Variants in PRKCA observed in about 807,000 individuals in gnomAD.
PRKCA encodes protein kinase C alpha type.
A neutral mutation model predicts 87.0 loss-of-function variants in PRKCA; 27 were observed. The ratio of observed to expected loss-of-function variants is 0.31; its 90% CI spans 0.23 to 0.43. The LOEUF (loss-of-function observed/expected upper bound fraction) is 0.43. Ranked by LOEUF, PRKCA falls within the 20% of genes least tolerant of loss-of-function variation. The probability of loss-of-function intolerance (pLI) is 1.00; values close to 1 mark genes in which losing one functional copy is unlikely to be tolerated. For synonymous variants in PRKCA, 329 were observed against 311.1 expected (o/e 1.06, Z -0.61); for missense variants, 518 against 852.3 (o/e 0.61, Z 4.88).
intron 2 of PRKCA, among the ~76,000 whole-genome samples, chr17:66,405,002 G>T (rs893350736): frequency 9.9e-5 from 15 of 151,882 alleles, no homozygotes; most frequent in African/African-American, 3.4e-4. Flanking sequence ...CACTCACCTC[G>T]GCCTCCCAAA....
intron 2 of PRKCA, among the ~76,000 whole-genome samples, chr17:66,363,265 TATTTA>T (rs1461307807): frequency 6.6e-6 from 1 of 152,242 alleles, no homozygotes; most frequent in Non-Finnish European, 1.5e-5. Context: ...TTTGTTATTT[TATTTA>T]GTCAACCCTT....
rs562583921 is a variant in PRKCA, at chr17:66,429,783, A to G, written c.206-66418A>G. 5.3e-5 allele frequency among the ~76,000 whole-genome samples: 8 copies of G among 152,314 alleles called. No homozygotes were observed. In the South Asian group the frequency reaches 1.4e-3, roughly 28 times the overall value. On this transcript the variant is annotated intron_variant, in intron 2 of 16. Transcript: ENST00000413366. ...AGAGTCCATCTTCATGAGAGTATAC[A>G]TTGGGTAAGAGAATTAATGTGACGG...
At chr17:66,538,168 C>T (rs556842826) in intron 3 of PRKCA, among the ~76,000 whole-genome samples, 1 of 152,266 alleles carries the variant, frequency 6.6e-6, no homozygotes, top group East Asian at 1.9e-4. Flanking sequence ...CAGAGCTGAT[C>T]CCTTCTGGAG....
chr17:66,528,743 G>A (rs1967436654), intron 3 of PRKCA, among the ~76,000 whole-genome samples: 1 of 152,164 alleles, frequency 6.6e-6, no homozygotes, highest in Non-Finnish European at 1.5e-5. Context: ...TGTTACAGCA[G>A]CAATGAAAAA....
intron 2 of PRKCA, among the ~76,000 whole-genome samples, chr17:66,321,541 G>A (rs1301414658): frequency 6.6e-6 from 1 of 151,988 alleles, no homozygotes; most frequent in Non-Finnish European, 1.5e-5. Context: ...AAATAATTTA[G>A]CTCACTTTTT....
intron 2 of PRKCA, among the ~76,000 whole-genome samples, chr17:66,333,702 C>T (rs529088087): frequency 2.0e-5 from 3 of 152,026 alleles, no homozygotes; most frequent in Non-Finnish European, 4.4e-5. Context: ...TTGTCAGCCT[C>T]CCCCAGGAAC....
At position 66,400,788 on chromosome 17, in the gene PRKCA, A is replaced by G. The variant is rs576391673; in HGVS notation, c.205+94661A>G. ...CTGCATCATTGCCAACACCTTTTAGAAACAGTAGCCATCCTAATGGGCATG... is the reference window on the plus strand; with the variant it reads ...CTGCATCATTGCCAACACCTTTTAGGAACAGTAGCCATCCTAATGGGCATG... On this transcript the variant is annotated intron_variant, in intron 2 of 16. Coordinates refer to ENST00000413366, the MANE Select transcript of PRKCA (RefSeq NM_002737.3). 3.9e-5 allele frequency among the ~76,000 whole-genome samples: 6 copies of G among 152,346 alleles called. No individual in the cohort carries two copies. In the East Asian group the frequency reaches 1.2e-3, roughly 29 times the overall value.
chr17:66,804,282 A>G lies in PRKCA; in HGVS notation c.*245A>G, dbSNP rs927010718. The G allele has an allele frequency of 1.8e-5, 8 of 440,648 alleles. No individual in the cohort carries two copies. Among genetic ancestry groups the G allele is most frequent in the Non-Finnish European group, 3.1e-5 (8 of 261,642 alleles). 27.3% of individuals were successfully genotyped at this position (440,648 alleles called of 1,614,324 possible). A position where few individuals can be genotyped will look rare whatever the true frequency, so the allele number is the denominator to read the frequency against. On this transcript the variant is annotated 3_prime_UTR_variant, in exon 17 of 17. Transcript: ENST00000413366. ...TGTCCAGTTTAATTCTGTAGAAGTT[A>G]CGTCTGGCTCTAGGTTAACCCTTCC...
At chr17:66,398,105 A>G (rs1232766705) in intron 2 of PRKCA, 2 of 152,154 alleles carry the variant, frequency 1.3e-5, no homozygotes, top group Non-Finnish European at 2.9e-5. Context: ...TAGAATCAAA[A>G]CTCAGAGTGT....
At chr17:66,383,054 T>C (rs532314125) in intron 2 of PRKCA, among the ~76,000 whole-genome samples, 3 of 152,254 alleles carry the variant, frequency 2.0e-5, no homozygotes, top group Non-Finnish European at 4.4e-5. Flanking sequence ...GAGCATTATA[T>C]CCTAACAGAG....
At chr17:66,653,100 A>G (rs1325099078) in intron 5 of PRKCA, among the ~76,000 whole-genome samples, 1 of 152,216 alleles carries the variant, frequency 6.6e-6, no homozygotes, top group Admixed American at 6.5e-5. Context: ...TTGCCATGAC[A>G]CAGCCGGCCA....
chr17:66,694,292 C>T (rs1039910011), intron 8 of PRKCA, among the ~76,000 whole-genome samples: 8 of 151,832 alleles, frequency 5.3e-5, no homozygotes, highest in African/African-American at 1.9e-4. Context: ...ACAAGCCTGG[C>T]CAAGATGGTG....
At chr17:66,781,866 GAGATATAT>G (rs1460063005) in intron 14 of PRKCA, among the ~76,000 whole-genome samples, 21 of 132,800 alleles carry the variant, frequency 1.6e-4, no homozygotes, top group Admixed American at 7.3e-5. Context: ...GAGAGAGAGA[GAGATATAT>G]ATATATATAT....
At chr17:66,577,918 C>T (rs1210377367) in intron 3 of PRKCA, among the ~76,000 whole-genome samples, 5 of 152,100 alleles carry the variant, frequency 3.3e-5, no homozygotes, top group Admixed American at 3.3e-4. Flanking sequence ...GCATGCTTAG[C>T]TTCCGACCCC....
At chr17:66,796,635 A>C (rs1975676789) in intron 16 of PRKCA, 1 of 985,212 alleles carries the variant, frequency 1.0e-6, no homozygotes, top group Non-Finnish European at 1.2e-6. Flanking sequence ...GAAAGGGCAG[A>C]CCAATGGCCA....
intron 8 of PRKCA, among the ~76,000 whole-genome samples, chr17:66,707,176 C>T (rs1567987150): frequency 6.6e-6 from 1 of 152,166 alleles, no homozygotes; most frequent in Non-Finnish European, 1.5e-5. Context: ...CCTCCCTTCT[C>T]CTCCACTTCC....
chr17:66,658,118 T>G (rs1443789524), intron 5 of PRKCA, among the ~76,000 whole-genome samples: 5 of 152,258 alleles, frequency 3.3e-5, no homozygotes, highest in African/African-American at 1.2e-4. Context: ...AAACACATCC[T>G]TCTTCACGTG....
At chr17:66,565,952 G>T (rs1224771710) in intron 3 of PRKCA, among the ~76,000 whole-genome samples, 1 of 152,104 alleles carries the variant, frequency 6.6e-6, no homozygotes, top group African/African-American at 2.4e-5. Context: ...CTGCAATGAG[G>T]TTACCTGGCC....
chr17:66,540,961 A>G (rs1967964459), intron 3 of PRKCA, among the ~76,000 whole-genome samples: 1 of 152,162 alleles, frequency 6.6e-6, no homozygotes, highest in Non-Finnish European at 1.5e-5. Context: ...ATGACCAAAT[A>G]AGACAAGGTA....
Sources: gnomAD v4.1 joint callset for allele counts (sites outside exome capture counted in the v4.1 genomes callset) on GRCh38, gnomAD v4.1.1 for gene constraint, MANE v1.5 for transcripts, NCBI Gene and HGNC (gene_info 2026-07-23, HGNC 2026-07-21) for gene names.